NPC1L1: variants seen among roughly 807,000 people sequenced by gnomAD.
NPC1L1 encodes NPC1 like intracellular cholesterol transporter 1, also known as NPC1-like intracellular cholesterol transporter 1.
In NPC1L1, 98 loss-of-function variants were observed where a neutral mutation model predicts 117.0. The observed-to-expected ratio is 0.84, with a 90% CI of 0.71 to 0.99. NPC1L1 has a LOEUF of 0.99. Among genes scored for constraint, NPC1L1 ranks in the 50% least tolerant of loss-of-function variants. NPC1L1 has a pLI of 0.00. For synonymous variants in NPC1L1, 729 were observed against 727.6 expected (o/e 1.00, Z -0.03); for missense variants, 1,540 against 1,710.0 (o/e 0.90, Z 1.75).
intron 10 of NPC1L1, among the ~76,000 whole-genome samples, chr7:44,525,305 T>C (rs1801477988): frequency 1.3e-5 from 2 of 152,274 alleles, no homozygotes; most frequent in African/African-American, 4.8e-5. Flanking sequence ...GTTGCCAGGC[T>C]GGAGTGCAGT....
chr7:44,531,891 C>G (rs1421669728), intron 9 of NPC1L1, 47 bp from the exon 10 acceptor site: 1 of 1,537,400 alleles, frequency 6.5e-7, no homozygotes, highest in Non-Finnish European at 8.8e-7. Flanking sequence ...AACAGCCGTC[C>G]CCCATCTCCC....
intron 10 of NPC1L1, among the ~76,000 whole-genome samples, chr7:44,525,002 G>A (rs1180945401): frequency 1.3e-5 from 2 of 152,040 alleles, no homozygotes; most frequent in Non-Finnish European, 2.9e-5. Flanking sequence ...AAATTACTGA[G>A]TCTGAAGAAG....
At chr7:44,540,531 T>G (rs1802066961) in intron 1 of NPC1L1, among the ~76,000 whole-genome samples, 189 bp from the exon 2 acceptor site, 1 of 152,020 alleles carries the variant, frequency 6.6e-6, no homozygotes, top group African/African-American at 2.4e-5. Flanking sequence ...AACACTGGCC[T>G]TTCTTCCTGG....
chr7:44,532,241 A>C (rs1801729315), intron 8 of NPC1L1, 24 bp from the exon 9 acceptor site: 2 of 1,612,522 alleles, frequency 1.2e-6, no homozygotes, highest in Non-Finnish European at 1.7e-6. Flanking sequence ...CACCCCCTCA[A>C]GGTAGTCCCA....
At chr7:44,515,644 T>C (rs1330240898) in intron 18 of NPC1L1, among the ~76,000 whole-genome samples, 159 bp downstream of exon 18, 2 of 152,180 alleles carry the variant, frequency 1.3e-5, no homozygotes, top group African/African-American at 4.8e-5. Flanking sequence ...TGAATAATAG[T>C]AGCTTCCAAG....
intron 8 of NPC1L1, 140 bp from the exon 9 acceptor site, chr7:44,532,357 C>G (rs1411169080): frequency 1.1e-6 from 1 of 922,508 alleles, no homozygotes; most frequent in Non-Finnish European, 1.6e-6. Flanking sequence ...GTGCTGTTTT[C>G]TTTGCTTTTA....
At chr7:44,514,772 C>A (rs536599200) in intron 18 of NPC1L1, among the ~76,000 whole-genome samples, 2 of 151,624 alleles carry the variant, frequency 1.3e-5, no homozygotes, top group Admixed American at 6.6e-5. Context: ...GAGGCCTTGG[C>A]GGTTGGATCA....
chr7:44,531,707 C>T (rs1188690382), intron 10 of NPC1L1, 48 bp downstream of exon 10: 1 of 1,519,584 alleles, frequency 6.6e-7, no homozygotes, highest in Non-Finnish European at 8.9e-7. Context: ...TGCTACTGCC[C>T]CTCCCCAAAT....
At chr7:44,513,781 G>A in intron 18 of NPC1L1, 132 bp from the exon 19 acceptor site, 1 of 987,176 alleles carries the variant, frequency 1.0e-6, no homozygotes, top group Non-Finnish European at 1.5e-6. Flanking sequence ...GCCTTCCAGG[G>A]TCACTATGTT....
chr7:44,534,633 C>T lies in NPC1L1; in HGVS notation c.1984-4G>A. 6.2e-7 allele frequency: 1 copy of T among 1,613,818 alleles called. No individual in the cohort carries two copies. The highest frequency in any genetic ancestry group is 8.5e-7 in the Non-Finnish European group (1 of 1,179,872). ...CCAGCGTGGCCTTGGAGTCCACCTGCAATGCAAACAGGCTCAGCCCCCTAG... is the reference window on the plus strand; with the variant it reads ...CCAGCGTGGCCTTGGAGTCCACCTGTAATGCAAACAGGCTCAGCCCCCTAG... On this transcript the variant is annotated splice_region_variant and splice_polypyrimidine_tract_variant and intron_variant, in intron 5 of 18. Transcript: ENST00000381160. The surrounding 1 kb of genome is among the most constrained non-coding windows in gnomAD (Gnocchi z 5.2).
intron 8 of NPC1L1, 145 bp from the exon 9 acceptor site, chr7:44,532,362 CT>C: frequency 1.1e-6 from 1 of 892,200 alleles, no homozygotes; most frequent in Non-Finnish European, 1.7e-6. Context: ...GTTTTCTTTG[CT>C]TTTATTTTAA....
At position 44,534,455 on chromosome 7, in the gene NPC1L1, C is replaced by T. The variant is rs759856847; in HGVS notation, c.2158G>A (p.Glu720Lys). ...GADNIFIFVL[E>K]YQRLPRRPGE... is the part of the protein sequence containing the mutation. The stretch of plus-strand genomic sequence containing the variant: ...AGCTCCTCCCTTCTTACCTGGTACT[C>T]GAGAACAAAGATGAAGATGTTATCA... Residue 720 changes from glutamate to lysine, a missense_variant, in exon 6 of 19, where the codon GAG becomes AAG. Physicochemically the swap from Glu to Lys is moderately conservative, Grantham distance 56 (BLOSUM62 1). Transcript: ENST00000381160. This position sits in a 1 kb window ranked among gnomAD's most constrained non-coding sequence, Gnocchi z 5.2. The T allele has an allele frequency of 6.2e-6, 10 of 1,613,960 alleles. No individual in the cohort carries two copies. Among genetic ancestry groups the T allele is most frequent in the East Asian group, 4.5e-5 (2 of 44,866 alleles).
At chr7:44,514,351 C>T (rs1039857351) in intron 18 of NPC1L1, among the ~76,000 whole-genome samples, 24 of 152,252 alleles carry the variant, frequency 1.6e-4, no homozygotes, top group African/African-American at 5.8e-4. Flanking sequence ...AAACATGAGC[C>T]ACCACTCCTG....
intron 11 of NPC1L1, 26 bp downstream of exon 11, chr7:44,522,026 G>C (rs1362613392): frequency 6.2e-7 from 1 of 1,612,356 alleles, no homozygotes. Flanking sequence ...GAGTAGGCTG[G>C]GGTTTGGGGC....
chr7:44,516,988 G>A (rs567755472), intron 15 of NPC1L1, 54 bp from the exon 16 acceptor site: 4 of 1,541,768 alleles, frequency 2.6e-6, no homozygotes, highest in East Asian at 2.3e-5. Flanking sequence ...CCCTCATGGT[G>A]GGTGGGACAC....
In NPC1L1 at chr7:44,535,889, A is replaced by G. The variant is rs760184957; in HGVS notation, c.1934T>C (p.Leu645Pro). 4.3e-6 allele frequency: 7 copies of G among 1,613,540 alleles called. No homozygotes were observed. In the East Asian group the frequency reaches 1.1e-4, roughly 26 times the overall value. ...GCTGCCCAGGGCCAGAGAGATGTAC[A>G]GGAATATGACAATGTAGCTGGTGGC... ...IFATSYIVIF[L>P]YISLALGSYS... Residue 645 changes from leucine (L) to proline (P), a missense_variant, in exon 5 of 19, where the codon CTG becomes CCG. By Grantham distance (98) the Leu-to-Pro change is moderately conservative (BLOSUM62 -3). This residue lies in a region of NPC1L1 where 742 missense variants were observed against 873.6 expected (regional missense o/e 0.85). Coordinates refer to ENST00000381160, the MANE Select transcript of NPC1L1 (RefSeq NM_001101648.2).
In NPC1L1 at chr7:44,513,536, T is replaced by C. The variant is rs560915807; in HGVS notation, c.3910A>G (p.Asn1304Asp). 2 of 1,614,172 alleles carry C rather than the reference T, an allele frequency of 1.2e-6. No homozygotes were observed. Among genetic ancestry groups the C allele is most frequent in the East Asian group, 4.5e-5 (2 of 44,882 alleles). ...TCAAAGCTGTGGTTGACATAGATGT[T>C]GTCAGCTGTGGAGACTCGGGAGGGG... ...NHPSRVSTADNIYVNHSFEGS... is the reference protein window; with the variant it reads ...NHPSRVSTADDIYVNHSFEGS... The change falls in exon 19 of 19, where the codon AAC becomes GAC. Residue 1304 changes from asparagine to aspartate, a missense_variant. This residue lies in a region of NPC1L1 where 742 missense variants were observed against 873.6 expected (regional missense o/e 0.85). Transcript: ENST00000381160.
In NPC1L1 at chr7:44,534,408, G is replaced by A. The variant is rs768427013; in HGVS notation, c.2166+39C>T. ...GCCAGGAGGTGAGGTTGGGAGAAGAGTGGGCAGTTGGGGGTGTGGAGAGCT... is the reference window on the plus strand; with the variant it reads ...GCCAGGAGGTGAGGTTGGGAGAAGAATGGGCAGTTGGGGGTGTGGAGAGCT... On this transcript the variant is annotated intron_variant, in intron 6 of 18. Transcript: ENST00000381160. This position sits in a 1 kb window ranked among gnomAD's most constrained non-coding sequence, Gnocchi z 5.2. 1.2e-6 allele frequency: 2 copies of A among 1,608,084 alleles called. No individual in the cohort carries two copies. The highest frequency in any genetic ancestry group is 2.2e-5 in the East Asian group (1 of 44,844).
At chr7:44,537,348 G>A (rs1189113998) in intron 2 of NPC1L1, among the ~76,000 whole-genome samples, 1 of 152,220 alleles carries the variant, frequency 6.6e-6, no homozygotes, top group African/African-American at 2.4e-5. Context: ...CGTGAGGGTG[G>A]AAGAGCTGGG....
Sources: allele counts gnomAD v4.1 joint callset (sites outside exome capture counted in the v4.1 genomes callset), GRCh38; gene constraint gnomAD v4.1.1; regional missense constraint gnomAD v4.1.1; non-coding constraint Gnocchi (gnomAD v3.1); transcripts MANE v1.5; gene names NCBI Gene and HGNC (gene_info 2026-07-23, HGNC 2026-07-21).